Variants in RNF213 observed in about 807,000 individuals in gnomAD.
RNF213 encodes the protein E3 ubiquitin-protein ligase RNF213.
In RNF213, 341 loss-of-function variants were observed where a neutral mutation model predicts 514.4. The ratio of observed to expected loss-of-function variants is 0.66; its 90% CI spans 0.61 to 0.73. The LOEUF is 0.73. Ranked by LOEUF, RNF213 falls within the 30% of genes least tolerant of loss-of-function variation. RNF213 has a pLI of 0.00. For synonymous variants in RNF213, 2,655 were observed against 2,658.2 expected (o/e 1.00, Z 0.04); for missense variants, 5,767 against 6,615.6 (o/e 0.87, Z 4.45).
At chr17:80,322,795 A>G (rs2046182046) in intron 17 of RNF213, among the ~76,000 whole-genome samples, 1 of 152,110 alleles carries the variant, frequency 6.6e-6, no homozygotes, top group Admixed American at 6.5e-5. Flanking sequence ...CACTTGTCAG[A>G]TATATGATTG....
intron 32 of RNF213, 68 bp from the exon 33 acceptor site, chr17:80,352,872 C>G: frequency 6.2e-7 from 1 of 1,610,638 alleles, no homozygotes; most frequent in Non-Finnish European, 8.5e-7. Flanking sequence ...GTGCAATGTC[C>G]CTGCTTAGGG....
chr17:80,357,177 A>G lies in RNF213; in HGVS notation c.10863-1111A>G, dbSNP rs570408710. On this transcript the variant is annotated intron_variant, in intron 36 of 67. Coordinates refer to ENST00000582970, the MANE Select transcript of RNF213 (RefSeq NM_001256071.3). ...GGTGATCCGCCCGCCTCAGCCTCCC[A>G]ACGTGCTGGGATTAGACGTGAGCCA... 7.9e-5 allele frequency among the ~76,000 whole-genome samples: 12 copies of G among 152,272 alleles called. No homozygotes were observed. The East Asian group carries it at 1.7e-3, about 22-fold the overall frequency.
chr17:80,298,232 G>T, intron 10 of RNF213, 89 bp from the exon 11 acceptor site: 1 of 1,348,624 alleles, frequency 7.4e-7, no homozygotes, highest in South Asian at 1.2e-5. Context: ...CTGTGTGCAC[G>T]GTGCTTGCTT....
At chr17:80,279,872 G>A (rs1000314525) in intron 3 of RNF213, among the ~76,000 whole-genome samples, 3 of 152,182 alleles carry the variant, frequency 2.0e-5, no homozygotes, top group African/African-American at 2.4e-5. Flanking sequence ...TTTTGCTTTT[G>A]GGGAAAAGCA....
intron 63 of RNF213, among the ~76,000 whole-genome samples, chr17:80,387,208 C>T (rs2080271775): frequency 6.6e-6 from 1 of 152,232 alleles, no homozygotes; most frequent in South Asian, 2.1e-4. Flanking sequence ...TGGGCTCAAG[C>T]GATCCTCTCA....
chr17:80,363,386 T>A (rs1337271618), intron 40 of RNF213, 72 bp downstream of exon 40: 41 of 1,476,842 alleles, frequency 2.8e-5, no homozygotes, highest in Non-Finnish European at 3.7e-5. Flanking sequence ...ATGGAGAGCT[T>A]CTGGGGCTGT....
At chr17:80,379,420 C>G in intron 54 of RNF213, 200 bp from the exon 55 acceptor site, 2 of 616,616 alleles carry the variant, frequency 3.2e-6, no homozygotes, top group South Asian at 3.5e-5. Flanking sequence ...AAAAACAGTT[C>G]CAGTTTGCCC....
In RNF213 at chr17:80,339,866, C is replaced by A. The variant is rs780838001; in HGVS notation, c.5499C>A (p.Val1833=). ...RGLQVGQPNL[V]VCGHSEVLPA... Reference sequence around the variant, plus strand: ...TGCAGGTCGGCCAGCCCAACCTCGTCGTCTGTGGCCACTCCGAGGTGTTGC... The same window carrying A: ...TGCAGGTCGGCCAGCCCAACCTCGTAGTCTGTGGCCACTCCGAGGTGTTGC... The change falls in exon 26 of 68, where the codon GTC becomes GTA. Residue 1833 remains valine (V), a synonymous_variant. Coordinates refer to ENST00000582970, the MANE Select transcript of RNF213 (RefSeq NM_001256071.3). The A allele has an allele frequency of 2.0e-6, 3 of 1,536,862 alleles. No homozygotes were observed. The African/African-American group carries it at 4.1e-5, about 21-fold the overall frequency.
At position 80,383,862 on chromosome 17, in the gene RNF213, C is replaced by G; in HGVS notation, c.14256C>G (p.Leu4752=). The G allele has an allele frequency of 6.2e-7, 1 of 1,614,162 alleles. No homozygotes were observed. Among genetic ancestry groups the G allele is most frequent in the Admixed American group, 1.7e-5 (1 of 60,018 alleles). The part of the protein sequence containing the change: ...SCRKRITVEY[L]QHIVEQKNGK... ...GGAAAAGAATTACAGTTGAGTACCT[C>G]CAGCACATTGTGGAACAGAAAAATG... The change falls in exon 59 of 68, where the codon CTC becomes CTG. Residue 4752 remains leucine (L), a synonymous_variant. Transcript: ENST00000582970.
intron 3 of RNF213, chr17:80,278,860 G>C: frequency 6.5e-7 from 1 of 1,537,224 alleles, no homozygotes. Context: ...AAGGAAGCAG[G>C]ATGCAGCCCC....
chr17:80,342,730 A>AT (rs2078193634), intron 26 of RNF213, among the ~76,000 whole-genome samples: 1 of 141,910 alleles, frequency 7.0e-6, no homozygotes, highest in Non-Finnish European at 1.5e-5. Flanking sequence ...ATGTATATAT[A>AT]TATTATATAT....
chr17:80,358,310 C>T lies in RNF213; in HGVS notation c.10885C>T (p.Gln3629Ter). Residue 3629 changes from glutamine (Q) to a stop codon, truncating the protein, a stop_gained, in exon 37 of 68, where the codon CAA becomes TAA. Coordinates refer to ENST00000582970, the MANE Select transcript of RNF213 (RefSeq NM_001256071.3). LOFTEE classifies it high-confidence loss of function. ...CAGGCACACCCTCTGGAAGCGGGTC[C>T]AAGGTGCTGTCACCCCTCTGCTGGC... ...TFRHTLWKRVQGAVTPLLASM... is the reference protein window; with the variant it reads ...TFRHTLWKRV The T allele has an allele frequency of 1.2e-6, 2 of 1,614,082 alleles. No individual in the cohort carries two copies. The highest frequency in any genetic ancestry group is 2.2e-5 in the South Asian group (2 of 91,072).
At chr17:80,284,384 A>C (rs1281740618) in intron 3 of RNF213, among the ~76,000 whole-genome samples, 2 of 151,368 alleles carry the variant, frequency 1.3e-5, no homozygotes, top group Non-Finnish European at 2.9e-5. Flanking sequence ...AAAAACAAAA[A>C]CAAAACAAAA....
intron 20 of RNF213, 111 bp from the exon 21 acceptor site, chr17:80,331,895 G>A (rs1009779534): frequency 3.2e-6 from 4 of 1,263,578 alleles, no homozygotes; most frequent in African/African-American, 1.5e-5. Flanking sequence ...TAGCAGCTGT[G>A]TGCTCTTGAG....
At position 80,353,810 on chromosome 17, in the gene RNF213, A is replaced by G; in HGVS notation, c.10578+144A>G. The stretch of plus-strand genomic sequence containing the variant: ...GGCGCCCCACTTTCCTCACACAGTG[A>G]CGGTCTTGTTGCTGGTTACTGGGGG... On this transcript the variant is annotated intron_variant, in intron 34 of 67. Coordinates refer to ENST00000582970, the MANE Select transcript of RNF213 (RefSeq NM_001256071.3). The surrounding 1 kb of genome is among the most constrained non-coding windows in gnomAD (Gnocchi z 5.0). 1 of 1,286,134 alleles carries G rather than the reference A, an allele frequency of 7.8e-7. No homozygotes were observed. Among genetic ancestry groups the G allele is most frequent in the Non-Finnish European group, 1.1e-6 (1 of 898,138 alleles). 79.7% of individuals were successfully genotyped at this position (1,286,134 alleles called of 1,614,324 possible). A position where few individuals can be genotyped will look rare whatever the true frequency, so the allele number is the denominator to read the frequency against.
chr17:80,334,027 A>T, intron 21 of RNF213, 78 bp from the exon 22 acceptor site: 1 of 1,507,914 alleles, frequency 6.6e-7, no homozygotes, highest in Middle Eastern at 1.8e-4. Context: ...GGCTGCTGGG[A>T]CGGTCAGTGC....
intron 36 of RNF213, chr17:80,355,330 T>C (rs1187132144): frequency 5.1e-6 from 2 of 391,236 alleles, no homozygotes; most frequent in South Asian, 3.5e-5. Context: ...TGAACGGTAA[T>C]GGGGGCTTAC....
chr17:80,369,925 G>C, intron 46 of RNF213, 58 bp downstream of exon 46: 1 of 1,209,368 alleles, frequency 8.3e-7, no homozygotes, highest in Non-Finnish European at 1.2e-6. Flanking sequence ...CTTCATCGCA[G>C]CGTTTTGTTA....
At chr17:80,280,596 G>T (rs142796549) in intron 3 of RNF213, among the ~76,000 whole-genome samples, 14 of 152,178 alleles carry the variant, frequency 9.2e-5, no homozygotes, top group Non-Finnish European at 1.9e-4. Context: ...TGGGACTACA[G>T]GCGTGCACCA....
Sources: gnomAD v4.1 joint callset for allele counts (sites outside exome capture counted in the v4.1 genomes callset) on GRCh38, gnomAD v4.1.1 for gene constraint, Gnocchi (gnomAD v3.1) non-coding constraint, MANE v1.5 for transcripts, NCBI Gene and HGNC (gene_info 2026-07-23, HGNC 2026-07-21) for gene names.